The following ADGRL2 variants were observed in gnomAD, a reference collection of about 807,000 sequenced individuals.
The protein encoded by ADGRL2 is adhesion G protein-coupled receptor L2.
A neutral mutation model predicts 157.4 loss-of-function variants in ADGRL2; 44 were observed. The observed-to-expected ratio is 0.28, with a 90% CI of 0.22 to 0.36. The LOEUF (loss-of-function observed/expected upper bound fraction) is 0.36, where lower values mean the gene tolerates loss of function less well. Among genes scored for constraint, ADGRL2 ranks in the 10% least tolerant of loss-of-function variants. The pLI, the probability that ADGRL2 is intolerant of heterozygous loss-of-function variation, is 1.00. For missense variants in ADGRL2, 1,510 were observed against 1,768.9 expected, an observed-to-expected ratio of 0.85 and a Z score of 2.63; for synonymous variants, 585 against 624.7, an observed-to-expected ratio of 0.94 and a Z score of 0.95.
At chr1:81,854,055 G>A (rs1389685677) in intron 2 of ADGRL2, among the ~76,000 whole-genome samples, 1 of 151,852 alleles carries the variant, frequency 6.6e-6, no homozygotes, top group Non-Finnish European at 1.5e-5. Context: ...CTATTCTATG[G>A]GCAGTGAATT....
At chr1:81,581,919 T>C (rs2080922943) in intron 3 of ADGRL2, among the ~76,000 whole-genome samples, 1 of 145,346 alleles carries the variant, frequency 6.9e-6, no homozygotes, top group Admixed American at 6.8e-5. Context: ...CACCCCTGCC[T>C]CAGAAGTTAA....
chr1:81,423,025 C>T (rs181028251), intron 1 of ADGRL2, among the ~76,000 whole-genome samples: 1 of 152,262 alleles, frequency 6.6e-6, no homozygotes, highest in Admixed American at 6.5e-5. Flanking sequence ...GGAAATCTTT[C>T]AGAGACCAAC....
At chr1:81,753,364 T>C (rs1297368088) in intron 1 of ADGRL2, among the ~76,000 whole-genome samples, 3 of 152,098 alleles carry the variant, frequency 2.0e-5, no homozygotes, top group African/African-American at 7.2e-5. Flanking sequence ...ATCATGAGAA[T>C]AGCACGGGAA....
At chr1:81,490,317 A>G (rs1291745335) in intron 2 of ADGRL2, among the ~76,000 whole-genome samples, 2 of 152,054 alleles carry the variant, frequency 1.3e-5, no homozygotes, top group African/African-American at 2.4e-5. Context: ...TTTTTAGTAG[A>G]GATGGGGCTT....
chr1:81,429,343 G>C (rs999578264), intron 1 of ADGRL2, among the ~76,000 whole-genome samples: 1 of 151,962 alleles, frequency 6.6e-6, no homozygotes, highest in Non-Finnish European at 1.5e-5. Context: ...TCTCATACAC[G>C]ATTCATGCAG....
At chr1:81,351,511 C>A (rs1662883327) in intron 1 of ADGRL2, among the ~76,000 whole-genome samples, 1 of 151,836 alleles carries the variant, frequency 6.6e-6, no homozygotes, top group Admixed American at 6.6e-5. Context: ...AAATAGAAAT[C>A]TGAAGGTACT....
rs913718172 is a variant in ADGRL2 at position 81,991,536 on chromosome 1, G to A, written c.*391G>A. 5.0e-5 allele frequency: 8 copies of A among 159,000 alleles called. No homozygotes were observed. The highest frequency in any genetic ancestry group is 4.3e-4 in the Admixed American group (7 of 16,346). The allele number at this position is 159,000 out of a possible 1,614,324, so 9.8% of individuals were successfully genotyped here. ...GCCTGCATTGTATTATATACAAGACGTAGGCTTTAAAATCCTGTGGGACAA... is the reference window on the plus strand; with the variant it reads ...GCCTGCATTGTATTATATACAAGACATAGGCTTTAAAATCCTGTGGGACAA... On this transcript the variant is annotated 3_prime_UTR_variant, in exon 24 of 24. Transcript: ENST00000686636.
chr1:81,557,724 A>C (rs748517531), intron 2 of ADGRL2: 1 of 152,238 alleles, frequency 6.6e-6, no homozygotes, highest in East Asian at 1.9e-4. Context: ...TACTGTTAGA[A>C]GGTCTCAGAG....
intron 2 of ADGRL2, among the ~76,000 whole-genome samples, chr1:81,530,825 C>T (rs889378823): frequency 6.6e-6 from 1 of 152,108 alleles, no homozygotes; most frequent in African/African-American, 2.4e-5. Context: ...TGGCTCATGC[C>T]TGTAATTCCA....
chr1:81,943,479 A>T lies in ADGRL2; in HGVS notation c.920A>T (p.Glu307Val). 1 of 1,613,810 alleles carries T rather than the reference A, an allele frequency of 6.2e-7. No individual in the cohort carries two copies. The highest frequency in any genetic ancestry group is 1.3e-5 in the African/African-American group (1 of 75,034). ...ACTCTTCGATTTGAAGCAACGTGGGAGACTGTATACGACAAACGTGCCGCA... is the reference window on the plus strand; with the variant it reads ...ACTCTTCGATTTGAAGCAACGTGGGTGACTGTATACGACAAACGTGCCGCA... ...PYTLRFEATW[E>V]TVYDKRAASN... Residue 307 changes from glutamate (E) to valine (V), a missense_variant, in exon 6 of 24, where the codon GAG becomes GTG. Glu to Val is a moderately radical substitution (Grantham distance 121). Transcript: ENST00000686636. The surrounding 1 kb of genome is among the most constrained non-coding windows in gnomAD (Gnocchi z 5.6).
At chr1:81,793,833 T>A (rs1435264537) in intron 2 of ADGRL2, among the ~76,000 whole-genome samples, 1 of 152,146 alleles carries the variant, frequency 6.6e-6, no homozygotes, top group Non-Finnish European at 1.5e-5. Flanking sequence ...TGAATAATTA[T>A]ATGAAAATGT....
At chr1:81,797,409 A>G (rs140532384), upstream of ADGRL2, among the ~76,000 whole-genome samples, 2 of 152,284 alleles carry the variant, frequency 1.3e-5, no homozygotes, top group South Asian at 2.1e-4. Flanking sequence ...ATAGTTTTCT[A>G]TAACTGTGTT....
At chr1:81,751,971 G>A (rs2085504504) in intron 1 of ADGRL2, among the ~76,000 whole-genome samples, 1 of 152,106 alleles carries the variant, frequency 6.6e-6, no homozygotes, top group Non-Finnish European at 1.5e-5. Flanking sequence ...TTAGAGAAAA[G>A]TCTTTTACAT....
rs181210297 is a variant in ADGRL2 at position 81,967,292 on chromosome 1, C to T, written c.2349+683C>T. 6.1e-4 allele frequency among the ~76,000 whole-genome samples: 91 copies of T among 149,250 alleles called. No individual in the cohort carries two copies. The East Asian group carries it at 6.5e-3, about 11-fold the overall frequency. ...TTTTTTTTTTTTTGAGACAGAGTCT[C>T]GCTCTGTTGCCCAGTCTAGAGTGCG... On this transcript the variant is annotated intron_variant, in intron 13 of 23. Coordinates refer to ENST00000686636, the MANE Select transcript of ADGRL2 (RefSeq NM_001366006.2).
intron 2 of ADGRL2, among the ~76,000 whole-genome samples, chr1:81,513,099 A>G (rs1323708220): frequency 6.6e-6 from 1 of 152,184 alleles, no homozygotes; most frequent in Non-Finnish European, 1.5e-5. Flanking sequence ...CATCTTCTTT[A>G]AAATTTCTAA....
upstream of ADGRL2, among the ~76,000 whole-genome samples, chr1:81,696,684 G>A (rs752189265): frequency 5.3e-5 from 8 of 152,032 alleles, no homozygotes; most frequent in Admixed American, 3.3e-4. Flanking sequence ...CCCGGGAGGC[G>A]GAGCTTGCAG....
intron 2 of ADGRL2, among the ~76,000 whole-genome samples, chr1:81,901,621 C>G (rs930097656): frequency 4.0e-5 from 6 of 150,564 alleles, no homozygotes; most frequent in Admixed American, 4.0e-4. Flanking sequence ...AGTCAGTATT[C>G]TAGATCATTA....
chr1:81,713,386 G>A (rs946438085), intron 1 of ADGRL2, among the ~76,000 whole-genome samples: 2 of 152,140 alleles, frequency 1.3e-5, no homozygotes, highest in African/African-American at 4.8e-5. Context: ...ACATTTCTAA[G>A]CATGTTTCAC....
chr1:81,845,019 A>C lies in ADGRL2; in HGVS notation c.73+7962A>C, dbSNP rs957737113. On this transcript the variant is annotated intron_variant, in intron 2 of 23. Transcript: ENST00000686636. ...TAATTCTGTGACTTTCTTATGCGGC[A>C]GCACATTTCTTTTCTGTTTTTCCAC... Among the ~76,000 whole-genome samples the C allele has an allele frequency of 1.1e-4, 17 of 152,280 alleles. No homozygotes were observed. In the East Asian group the frequency reaches 2.9e-3, roughly 26 times the overall value.
Sources: gnomAD v4.1 joint callset for allele counts (sites outside exome capture counted in the v4.1 genomes callset) on GRCh38, gnomAD v4.1.1 for gene constraint, Gnocchi (gnomAD v3.1) non-coding constraint, MANE v1.5 for transcripts, NCBI Gene and HGNC (gene_info 2026-07-23, HGNC 2026-07-21) for gene names.